The following PCDH19 variants were observed in gnomAD, a reference collection of about 807,000 sequenced individuals.
PCDH19 encodes the protein protocadherin-19.
A neutral mutation model predicts 46.2 loss-of-function variants in PCDH19; 6 were observed. That is an observed-to-expected ratio of 0.13 (90% CI 0.07 to 0.26). The LOEUF is 0.26. Ranked by LOEUF, PCDH19 falls within the 10% of genes least tolerant of loss-of-function variation. The probability of loss-of-function intolerance (pLI) is 1.00; values close to 1 mark genes in which losing one functional copy is unlikely to be tolerated. For missense variants in PCDH19, 740 were observed against 972.3 expected (o/e 0.76, Z 3.18); for synonymous variants, 481 against 415.7 (o/e 1.16, Z -1.91).
chrX:100,377,940 C>A (rs188131695), intron 3 of PCDH19, among the ~76,000 whole-genome samples: 1 of 112,206 alleles, frequency 8.9e-6, no homozygotes, highest in East Asian at 2.8e-4. Context: ...AGGGAATAAG[C>A]GTTGGTGATT....
chrX:100,370,376 G>A (rs776172298), intron 3 of PCDH19, among the ~76,000 whole-genome samples: 4 of 112,306 alleles, frequency 3.6e-5, no homozygotes, highest in Non-Finnish European at 5.6e-5. Flanking sequence ...GGAAAAAAGA[G>A]TTCTCTAAAA....
intron 5 of PCDH19, among the ~76,000 whole-genome samples, chrX:100,341,015 A>G (rs1275054574): frequency 8.9e-6 from 1 of 111,941 alleles, no homozygotes; most frequent in Non-Finnish European, 1.9e-5. Context: ...ATATTTCTTA[A>G]TTGAAAAAGA....
intron 3 of PCDH19, among the ~76,000 whole-genome samples, chrX:100,386,470 A>C (rs1016886618): frequency 8.9e-6 from 1 of 112,187 alleles, no homozygotes; most frequent in African/African-American, 3.2e-5. Context: ...TTTCATGCTG[A>C]TATGAATTTA....
chrX:100,291,773 C>T lies in PCDH19; in HGVS notation c.*4504G>A, dbSNP rs971885844. On this transcript the variant is annotated 3_prime_UTR_variant, in exon 6 of 6. Coordinates refer to ENST00000373034, the MANE Select transcript of PCDH19 (RefSeq NM_001184880.2). ...ATGTGGCAGATAACACCATTTGAAA[C>T]ATAACTGTAATAATTTAATAAAGCT... The T allele has an allele frequency of 9.7e-5, 11 of 113,211 alleles. No homozygotes were observed. In the East Asian group the frequency reaches 2.5e-3, roughly 26 times the overall value. The allele number at this position is 113,211 out of a possible 1,213,427, so 9.3% of individuals were successfully genotyped here.
chrX:100,301,711 G>A (rs1924787527), intron 5 of PCDH19, among the ~76,000 whole-genome samples: 1 of 112,037 alleles, frequency 8.9e-6, no homozygotes, highest in Non-Finnish European at 1.9e-5. Context: ...AAGAAGTTTA[G>A]TGCTGTTAAA....
At chrX:100,389,690 A>C (rs759490933) in intron 3 of PCDH19, among the ~76,000 whole-genome samples, 1 of 111,923 alleles carries the variant, frequency 8.9e-6, no homozygotes, top group African/African-American at 3.2e-5. Context: ...TTACACTCCC[A>C]ATAAAGCTGA....
intron 3 of PCDH19, among the ~76,000 whole-genome samples, chrX:100,395,474 G>A (rs1928003032): frequency 8.9e-6 from 1 of 112,593 alleles, no homozygotes; most frequent in Non-Finnish European, 1.9e-5. Flanking sequence ...GACAGAAAAC[G>A]CTTGGAAGCT....
rs1928542064 is a variant in PCDH19 at position 100,409,802 on chromosome X, T to A, written c.-1205A>T. On this transcript the variant is annotated 5_prime_UTR_variant, in exon 1 of 6. Coordinates refer to ENST00000373034, the MANE Select transcript of PCDH19 (RefSeq NM_001184880.2). ...GGGTCCGCCTCAGCAGCTGCCACAG[T>A]CGACGATTTTGTCGCCGCCGAAGTT... The A allele has an allele frequency of 4.5e-6, 1 of 223,468 alleles. No individual in the cohort carries two copies. The highest frequency in any genetic ancestry group is 1.0e-4 in the South Asian group (1 of 9,728). 18.4% of individuals were successfully genotyped at this position (223,468 alleles called of 1,213,427 possible). A position where few individuals can be genotyped will look rare whatever the true frequency, so the allele number is the denominator to read the frequency against.
Position 100,408,094 on chromosome X carries a change from G to C in PCDH19, c.504C>G (p.Leu168=), listed in dbSNP as rs1928455193. ...CCAGGCCGAACAGCTCGTTGGGCGT[G>C]AGCTCGTAAGTCTGCACGCCAAAGC... ...SGSFGVQTYE[L]TPNELFGLEI... is the part of the protein sequence containing the mutation. The change falls in exon 1 of 6, where the codon CTC becomes CTG. Residue 168 remains leucine, a synonymous_variant. Coordinates refer to ENST00000373034, the MANE Select transcript of PCDH19 (RefSeq NM_001184880.2). 1 of 1,209,254 alleles carries C rather than the reference G, an allele frequency of 8.3e-7. No homozygotes were observed. Among genetic ancestry groups the C allele is most frequent in the Admixed American group, 2.2e-5 (1 of 46,047 alleles).
chrX:100,325,784 G>A (rs1282575700), intron 5 of PCDH19, among the ~76,000 whole-genome samples: 1 of 112,542 alleles, frequency 8.9e-6, no homozygotes, highest in Non-Finnish European at 1.9e-5. Flanking sequence ...ATAAAAGAAA[G>A]TTTATTTTCA....
chrX:100,322,209 T>C (rs1448250175), intron 5 of PCDH19, among the ~76,000 whole-genome samples: 1 of 111,670 alleles, frequency 9.0e-6, no homozygotes, highest in Non-Finnish European at 1.9e-5. Context: ...AGGTCTTAGA[T>C]TTAAGACCTT....
At chrX:100,387,613 A>G (rs1927751463) in intron 3 of PCDH19, among the ~76,000 whole-genome samples, 1 of 111,962 alleles carries the variant, frequency 8.9e-6, no homozygotes, top group South Asian at 3.7e-4. Flanking sequence ...ATATATGTAT[A>G]AGTTGCAGTT....
intron 3 of PCDH19, among the ~76,000 whole-genome samples, chrX:100,371,849 TACAC>T (rs56125276): frequency 0.4 from 31,888 of 80,515 alleles, 4,937 homozygotes; most frequent in East Asian, 0.87. Flanking sequence ...CAAATGACTA[TACAC>T]ACACACACAC....
At chrX:100,335,083 G>A (rs371170981) in intron 5 of PCDH19, among the ~76,000 whole-genome samples, 1 of 111,110 alleles carries the variant, frequency 9.0e-6, no homozygotes, top group Non-Finnish European at 1.9e-5. Flanking sequence ...ACAACAGGGA[G>A]GTTTCCATTA....
rs1301426438 is a variant in PCDH19, at chrX:100,408,733, G to A, written c.-136C>T. 38 of 376,210 alleles carry A rather than the reference G, an allele frequency of 1.0e-4. No individual in the cohort carries two copies. Among genetic ancestry groups the A allele is most frequent in the Admixed American group, 2.0e-4 (3 of 15,345 alleles). 31.0% of individuals were successfully genotyped at this position (376,210 alleles called of 1,213,427 possible). On this transcript the variant is annotated 5_prime_UTR_variant, in exon 1 of 6. Coordinates refer to ENST00000373034, the MANE Select transcript of PCDH19 (RefSeq NM_001184880.2). Reference sequence around the variant, plus strand: ...CCCCGGAGGCCGCGGGAGAAGTCCCGCCCAGGGCGGCCCGGCGGCGCGCGG... The same window carrying A: ...CCCCGGAGGCCGCGGGAGAAGTCCCACCCAGGGCGGCCCGGCGGCGCGCGG...
intron 5 of PCDH19, among the ~76,000 whole-genome samples, chrX:100,317,094 T>C (rs1490045947): frequency 9.0e-6 from 1 of 111,676 alleles, no homozygotes; most frequent in Non-Finnish European, 1.9e-5. Context: ...TACAGTATAA[T>C]TAACTACAGC....
intron 4 of PCDH19, among the ~76,000 whole-genome samples, chrX:100,350,152 C>T (rs772949342): frequency 1.1e-3 from 120 of 112,221 alleles, no homozygotes; most frequent in African/African-American, 3.8e-3. Flanking sequence ...AATCTCAAAA[C>T]TCATGGGAAG....
chrX:100,403,965 T>C (rs188990444), intron 1 of PCDH19, among the ~76,000 whole-genome samples: 7 of 112,411 alleles, frequency 6.2e-5, no homozygotes, highest in African/African-American at 2.3e-4. Context: ...TACAGGTTGA[T>C]CTTTACAAGG....
chrX:100,353,381 T>A (rs1009746036), intron 3 of PCDH19, among the ~76,000 whole-genome samples: 2 of 111,926 alleles, frequency 1.8e-5, no homozygotes, highest in African/African-American at 6.5e-5. Context: ...ATTTTCCATA[T>A]CTTTGCAAAT....
Sources: allele counts gnomAD v4.1 joint callset (sites outside exome capture counted in the v4.1 genomes callset), GRCh38; gene constraint gnomAD v4.1.1; transcripts MANE v1.5; gene names NCBI Gene and HGNC (gene_info 2026-07-23, HGNC 2026-07-21).